Variants in JPH2 observed in about 807,000 individuals in gnomAD.
The protein encoded by JPH2 is junctophilin-2.
A neutral mutation model predicts 55.9 loss-of-function variants in JPH2; 38 were observed. The ratio of observed to expected loss-of-function variants is 0.68; its 90% CI spans 0.52 to 0.89. The LOEUF is 0.89. JPH2 is among the 40% of genes least tolerant of loss of function. JPH2 has a pLI of 0.00. For synonymous variants in JPH2, 480 were observed against 472.4 expected (o/e 1.02, Z -0.21); for missense variants, 964 against 1,037.6 (o/e 0.93, Z 0.97).
chr20:44,126,711 G>A (rs1267959384), intron 2 of JPH2, among the ~76,000 whole-genome samples: 2 of 152,142 alleles, frequency 1.3e-5, no homozygotes, highest in East Asian at 1.9e-4. Flanking sequence ...ATTCTCATTC[G>A]GCAAATGTGT....
rs1205036851 is a variant in JPH2 at position 44,160,233 on chromosome 20, G to C, written c.554C>G (p.Ser185Cys). ...VAPDSPASPA[S>C]DGPALPSPAI... ...GGGCGAGGGCAGCGCGGGGCCGTCG[G>C]AGGCCGGCGAGGCGGGAGAGTCCGG... Residue 185 changes from serine (S) to cysteine (C), a missense_variant, in exon 2 of 6, where the codon TCC becomes TGC. By Grantham distance (112) the Ser-to-Cys change is moderately radical (BLOSUM62 -1). Coordinates refer to ENST00000372980, the MANE Select transcript of JPH2 (RefSeq NM_020433.5). The surrounding 1 kb of genome is among the most constrained non-coding windows in gnomAD (Gnocchi z 4.9). The C allele has an allele frequency of 1.1e-5, 16 of 1,496,808 alleles. No individual in the cohort carries two copies. The highest frequency in any genetic ancestry group is 1.4e-5 in the Non-Finnish European group (16 of 1,128,514). 92.7% of individuals were successfully genotyped at this position (1,496,808 alleles called of 1,614,324 possible).
chr20:44,106,910 G>C lies in JPH2; in HGVS notation c.*6608C>G, dbSNP rs1369709073. Among the ~76,000 whole-genome samples, 1 of 152,138 alleles carries C rather than the reference G, an allele frequency of 6.6e-6. No individual in the cohort carries two copies. Among genetic ancestry groups the C allele is most frequent in the East Asian group, 1.9e-4 (1 of 5,184 alleles). Reference sequence around the variant, plus strand: ...ACCATATCACCCAGTAACAGAGCAAGGGAGGGGTATAAAAGCCCAATGGGA... The same window carrying C: ...ACCATATCACCCAGTAACAGAGCAACGGAGGGGTATAAAAGCCCAATGGGA... On this transcript the variant is annotated 3_prime_UTR_variant, in exon 6 of 6. Transcript: ENST00000372980.
chr20:44,158,317 G>T (rs2072580115), intron 2 of JPH2, among the ~76,000 whole-genome samples: 1 of 152,170 alleles, frequency 6.6e-6, no homozygotes, highest in East Asian at 1.9e-4. Context: ...AAAGAAGGAA[G>T]AACTAGCACA....
At chr20:44,148,034 G>A (rs62204483) in intron 2 of JPH2, among the ~76,000 whole-genome samples, 790 of 152,200 alleles carry the variant, frequency 5.2e-3, no homozygotes, top group Non-Finnish European at 7.4e-3. Context: ...GTAGTGGCAC[G>A]CACCTGTAAT....
At chr20:44,174,221 G>A (rs1340385727) in intron 1 of JPH2, among the ~76,000 whole-genome samples, 1 of 152,172 alleles carries the variant, frequency 6.6e-6, no homozygotes, top group Admixed American at 6.5e-5. Context: ...ACCTGCCCAA[G>A]GCCACACAGC....
rs1430969529 is a variant in JPH2, at chr20:44,166,029, CT to C, written c.380-5623del. The stretch of plus-strand genomic sequence containing the variant: ...GCTCCTTAAAGGCAAGGATTCTTTT[CT>C]TTTTTTGTTCACTGTGGTATCCTCA... On this transcript the variant is annotated intron_variant, in intron 1 of 5. Transcript: ENST00000372980. Among the ~76,000 whole-genome samples, 5 of 152,290 alleles carry C rather than the reference CT, an allele frequency of 3.3e-5. No homozygotes were observed. The East Asian group carries it at 9.6e-4, about 29-fold the overall frequency.
Position 44,109,513 on chromosome 20 carries a change from C to T in JPH2, c.*4005G>A, listed in dbSNP as rs1043889414. On this transcript the variant is annotated 3_prime_UTR_variant, in exon 6 of 6. Coordinates refer to ENST00000372980, the MANE Select transcript of JPH2 (RefSeq NM_020433.5). ...GCCACCACATACAGGAGGTGAAGGG[C>T]TTAGCACAGGGCCTGACCTACGGCC... Among the ~76,000 whole-genome samples the T allele has an allele frequency of 2.0e-5, 3 of 152,172 alleles. No individual in the cohort carries two copies. The highest frequency in any genetic ancestry group is 7.2e-5 in the African/African-American group (3 of 41,426).
chr20:44,158,029 T>C (rs889306015), intron 2 of JPH2, among the ~76,000 whole-genome samples: 1 of 152,218 alleles, frequency 6.6e-6, no homozygotes, highest in Admixed American at 6.5e-5. Flanking sequence ...ATCTACCTTT[T>C]CAGGATCTTG....
intron 2 of JPH2, among the ~76,000 whole-genome samples, chr20:44,131,634 C>T (rs539703731): frequency 6.6e-6 from 1 of 152,290 alleles, no homozygotes; most frequent in South Asian, 2.1e-4. Context: ...GAAGGGTTAG[C>T]TGTTCCTGCC....
Position 44,160,223 on chromosome 20 carries a change from G to T in JPH2, c.564C>A (p.Pro188=). The T allele has an allele frequency of 6.8e-7, 1 of 1,480,496 alleles. No homozygotes were observed. The highest frequency in any genetic ancestry group is 8.9e-7 in the Non-Finnish European group (1 of 1,121,712). 91.7% of individuals were successfully genotyped at this position (1,480,496 alleles called of 1,614,324 possible). ...DSPASPASDG[P]ALPSPAIPRG... Reference sequence around the variant, plus strand: ...GCGGGATGGCGGGCGAGGGCAGCGCGGGGCCGTCGGAGGCCGGCGAGGCGG... The same window carrying T: ...GCGGGATGGCGGGCGAGGGCAGCGCTGGGCCGTCGGAGGCCGGCGAGGCGG... Residue 188 remains proline (P), a synonymous_variant, in exon 2 of 6, where the codon CCC becomes CCA. Coordinates refer to ENST00000372980, the MANE Select transcript of JPH2 (RefSeq NM_020433.5). This position sits in a 1 kb window ranked among gnomAD's most constrained non-coding sequence, Gnocchi z 4.9.
At chr20:44,113,909 G>T (rs2072165970) in intron 5 of JPH2, among the ~76,000 whole-genome samples, 1 of 152,188 alleles carries the variant, frequency 6.6e-6, no homozygotes, top group Non-Finnish European at 1.5e-5. Context: ...GCACTTACCA[G>T]GCTGGTATTG....
chr20:44,169,491 T>C (rs546472108), intron 1 of JPH2, among the ~76,000 whole-genome samples: 1 of 152,250 alleles, frequency 6.6e-6, no homozygotes, highest in South Asian at 2.1e-4. Flanking sequence ...AGGTATTCTT[T>C]TACAGCAACA....
rs951079586 is a variant in JPH2 at position 44,149,956 on chromosome 20, G to A, written c.1169+9662C>T. On this transcript the variant is annotated intron_variant, in intron 2 of 5. Coordinates refer to ENST00000372980, the MANE Select transcript of JPH2 (RefSeq NM_020433.5). The stretch of plus-strand genomic sequence containing the variant: ...TCATCCACTGCACTCCAGCCTGGGC[G>A]ACAGAGGAAAAAAAAAAAAAAAAAA... 1.1e-4 allele frequency among the ~76,000 whole-genome samples: 10 copies of A among 89,776 alleles called. No homozygotes were observed. In the South Asian group the frequency reaches 2.7e-3, roughly 24 times the overall value. The allele number at this position is 89,776 out of a possible 152,430, so 58.9% of individuals were successfully genotyped here. A position where few individuals can be genotyped will look rare whatever the true frequency, so the allele number is the denominator to read the frequency against.
At chr20:44,140,163 G>C (rs1484483602) in intron 2 of JPH2, among the ~76,000 whole-genome samples, 1 of 152,092 alleles carries the variant, frequency 6.6e-6, no homozygotes, top group Non-Finnish European at 1.5e-5. Flanking sequence ...GAGCCACTGC[G>C]CCTGGCCGAG....
chr20:44,169,555 G>A (rs892061085), intron 1 of JPH2, among the ~76,000 whole-genome samples: 7 of 152,128 alleles, frequency 4.6e-5, no homozygotes, highest in Admixed American at 2.6e-4. Flanking sequence ...TCCAGTTTGA[G>A]ACATCAAAGA....
At chr20:44,182,332 A>G (rs2072791355) in intron 1 of JPH2, among the ~76,000 whole-genome samples, 1 of 152,162 alleles carries the variant, frequency 6.6e-6, no homozygotes, top group Non-Finnish European at 1.5e-5. Context: ...TTGGAGAGTT[A>G]CACCTCGTGT....
chr20:44,144,581 C>T (rs1023858598), intron 2 of JPH2, among the ~76,000 whole-genome samples: 6 of 152,138 alleles, frequency 3.9e-5, no homozygotes, highest in East Asian at 1.9e-4. Context: ...CTCTACCATT[C>T]GAAAGCATGG....
chr20:44,147,678 C>T (rs1224241774), intron 2 of JPH2, among the ~76,000 whole-genome samples: 1 of 152,122 alleles, frequency 6.6e-6, no homozygotes, highest in Non-Finnish European at 1.5e-5. Context: ...TTGGATTTTG[C>T]GTGTGTAAGA....
At chr20:44,140,097 T>G (rs573331579) in intron 2 of JPH2, among the ~76,000 whole-genome samples, 2 of 152,294 alleles carry the variant, frequency 1.3e-5, no homozygotes, top group East Asian at 3.9e-4. Flanking sequence ...GGTCTCAATC[T>G]CCTGACCTCG....
Sources: allele counts gnomAD v4.1 joint callset (sites outside exome capture counted in the v4.1 genomes callset), GRCh38; gene constraint gnomAD v4.1.1; non-coding constraint Gnocchi (gnomAD v3.1); transcripts MANE v1.5; gene names NCBI Gene and HGNC (gene_info 2026-07-23, HGNC 2026-07-21).